The following SAMD8 variants were observed in gnomAD, a reference collection of about 807,000 sequenced individuals.
The protein encoded by SAMD8 is sphingomyelin synthase-related protein 1.
A neutral mutation model predicts 42.0 loss-of-function variants in SAMD8; 20 were observed. The ratio of observed to expected loss-of-function variants is 0.48; its 90% CI spans 0.34 to 0.69. SAMD8 has a LOEUF of 0.69. SAMD8 is among the 30% of genes least tolerant of loss of function. The pLI is 0.01. For missense variants in SAMD8, 328 were observed against 511.6 expected, an observed-to-expected ratio of 0.64 and a Z score of 3.46; for synonymous variants, 162 against 173.0, an observed-to-expected ratio of 0.94 and a Z score of 0.50.
intron 1 of SAMD8, among the ~76,000 whole-genome samples, chr10:75,143,692 A>G (rs1285227886): frequency 6.6e-6 from 1 of 151,104 alleles, no homozygotes; most frequent in Non-Finnish European, 1.5e-5. Context: ...AGATTTTCTC[A>G]TTGTCACTGT....
At chr10:75,138,341 A>G (rs1008808858) in intron 1 of SAMD8, among the ~76,000 whole-genome samples, 3 of 152,214 alleles carry the variant, frequency 2.0e-5, no homozygotes, top group African/African-American at 7.2e-5. Flanking sequence ...AGTATTGAGA[A>G]TGTCCTGCAG....
intron 1 of SAMD8, among the ~76,000 whole-genome samples, chr10:75,140,889 A>G (rs552769421): frequency 2.6e-5 from 4 of 152,116 alleles, no homozygotes; most frequent in African/African-American, 4.8e-5. Flanking sequence ...CTCATTTCTC[A>G]TTTTTAGGTG....
intron 2 of SAMD8, among the ~76,000 whole-genome samples, chr10:75,163,259 G>A (rs1840599902): frequency 6.6e-6 from 1 of 151,966 alleles, no homozygotes; most frequent in South Asian, 2.1e-4. Context: ...TATTTCCCTA[G>A]TTATAAAATT....
intron 1 of SAMD8, among the ~76,000 whole-genome samples, chr10:75,116,949 A>C (rs1204640277): frequency 6.6e-6 from 1 of 152,060 alleles, no homozygotes; most frequent in African/African-American, 2.4e-5. Flanking sequence ...AGCTGGGATT[A>C]CAGGCGCGTG....
chr10:75,152,521 C>CAAA (rs1280262074), intron 2 of SAMD8, among the ~76,000 whole-genome samples: 1 of 46,446 alleles, frequency 2.2e-5, no homozygotes, highest in African/African-American at 8.2e-5. Flanking sequence ...GACTCCGTCT[C>CAAA]AAAAAAAAAA....
intron 1 of SAMD8, among the ~76,000 whole-genome samples, chr10:75,139,230 A>C (rs1839963007): frequency 6.6e-6 from 1 of 151,990 alleles, no homozygotes. Context: ...CGGCCTTCCA[A>C]CGTACTGGGA....
intron 1 of SAMD8, among the ~76,000 whole-genome samples, chr10:75,129,445 C>T (rs1849224065): frequency 6.6e-6 from 1 of 152,086 alleles, no homozygotes; most frequent in African/African-American, 2.4e-5. Context: ...TTCACCATGT[C>T]GGCCAGGAGG....
chr10:75,113,631 G>T (rs186788469), intron 1 of SAMD8, among the ~76,000 whole-genome samples: 53 of 152,240 alleles, frequency 3.5e-4, no homozygotes, highest in African/African-American at 1.3e-3. Context: ...TTATGTGTAT[G>T]GGCTATGTGA....
chr10:75,099,595 CTG>C, exon 1 of SAMD8: 1 of 1,221,200 alleles, frequency 8.2e-7, no homozygotes, highest in Non-Finnish European at 1.0e-6. Flanking sequence ...TGAGAGCCGA[CTG>C]AGGCCTTGTG....
chr10:75,160,190 T>C lies in SAMD8; in HGVS notation c.579-4455T>C, dbSNP rs150489450. Among the ~76,000 whole-genome samples the C allele has an allele frequency of 3.2e-3, 485 of 152,202 alleles. 1 individual carries two copies. The highest frequency in any genetic ancestry group is 0.011 in the African/African-American group (442 of 41,526). ...GTTCATAGTGATGACTCTAAATTAC[T>C]AAAGAAAATTAAATTTTTTTTTTTG... On this transcript the variant is annotated intron_variant, in intron 2 of 5. Transcript: ENST00000542569.
chr10:75,108,071 G>A (rs144505881), upstream of SAMD8: 26 of 1,613,898 alleles, frequency 1.6e-5, no homozygotes, highest in East Asian at 4.5e-5. Context: ...CAGGGAGGTC[G>A]TGGGCTGGCA....
At chr10:75,171,761 A>G (rs1589979229) in intron 4 of SAMD8, among the ~76,000 whole-genome samples, 1 of 152,356 alleles carries the variant, frequency 6.6e-6, no homozygotes, top group South Asian at 2.1e-4. Context: ...AAGGTGGCTC[A>G]TGCCTGTAAT....
chr10:75,165,670 CAAA>C (rs1307825539), intron 3 of SAMD8, among the ~76,000 whole-genome samples: 9 of 65,526 alleles, frequency 1.4e-4, no homozygotes, highest in Non-Finnish European at 1.9e-4. Context: ...GACTCTGTCT[CAAA>C]AAAAAAAAAA....
intron 4 of SAMD8, among the ~76,000 whole-genome samples, chr10:75,174,431 T>C (rs1169879889): frequency 8.3e-6 from 1 of 121,044 alleles, no homozygotes; most frequent in Non-Finnish European, 1.7e-5. Flanking sequence ...GCCTGGCCTC[T>C]TTTTTTTTTT....
At chr10:75,157,688 G>T (rs1840445583) in intron 2 of SAMD8, among the ~76,000 whole-genome samples, 1 of 152,186 alleles carries the variant, frequency 6.6e-6, no homozygotes, top group South Asian at 2.1e-4. Flanking sequence ...TGGTCTCCTT[G>T]AGGTTAGTAG....
intron 1 of SAMD8, among the ~76,000 whole-genome samples, chr10:75,103,501 CT>C (rs2134373076): frequency 6.6e-6 from 1 of 152,342 alleles, no homozygotes; most frequent in Admixed American, 6.5e-5. Flanking sequence ...GAGAGATGGT[CT>C]TTAAGGTCTC....
At chr10:75,160,346 G>T (rs909581997) in intron 2 of SAMD8, among the ~76,000 whole-genome samples, 3 of 150,278 alleles carry the variant, frequency 2.0e-5, no homozygotes, top group Non-Finnish European at 4.4e-5. Flanking sequence ...ACAGGCGCCC[G>T]CCACCACGCC....
At chr10:75,123,232 G>A (rs932588657) in intron 1 of SAMD8, among the ~76,000 whole-genome samples, 4 of 146,568 alleles carry the variant, frequency 2.7e-5, no homozygotes, top group African/African-American at 7.6e-5. Context: ...GGTTGGGCGG[G>A]TAAAGGAGAT....
intron 1 of SAMD8, among the ~76,000 whole-genome samples, chr10:75,148,146 G>T (rs1217075150): frequency 1.3e-5 from 2 of 152,026 alleles, no homozygotes; most frequent in Non-Finnish European, 2.9e-5. Context: ...TAGTAATAAA[G>T]AAATAAATAC....
Sources: gnomAD v4.1 joint callset for allele counts (sites outside exome capture counted in the v4.1 genomes callset) on GRCh38, gnomAD v4.1.1 for gene constraint, MANE v1.5 for transcripts, NCBI Gene and HGNC (gene_info 2026-07-23, HGNC 2026-07-21) for gene names.